Variants in KHDRBS2 observed in about 807,000 individuals in gnomAD.
KHDRBS2 encodes the protein KH RNA binding domain containing, signal transduction associated 2.
Under a neutral mutation model 44.3 loss-of-function variants are expected in KHDRBS2, and 26 were observed. The ratio of observed to expected loss-of-function variants is 0.59; its 90% CI spans 0.43 to 0.81. KHDRBS2 has a LOEUF of 0.81. Among genes scored for constraint, KHDRBS2 ranks in the 40% least tolerant of loss-of-function variants. KHDRBS2 has a pLI of 0.00. For synonymous variants in KHDRBS2, 194 were observed against 151.1 expected (o/e 1.28, Z -2.08); for missense variants, 476 against 433.1 (o/e 1.10, Z -0.88).
intron 2 of KHDRBS2, among the ~76,000 whole-genome samples, chr6:62,086,102 T>C (rs1798327272): frequency 6.6e-6 from 1 of 152,126 alleles, no homozygotes; most frequent in Admixed American, 6.6e-5. Flanking sequence ...AGTTTGGAAA[T>C]TATGTATAAT....
intron 2 of KHDRBS2, among the ~76,000 whole-genome samples, chr6:62,053,151 A>G (rs1789458431): frequency 6.6e-6 from 1 of 152,054 alleles, no homozygotes; most frequent in African/African-American, 2.4e-5. Flanking sequence ...ATCAGCATAA[A>G]ATCATAATGA....
chr6:61,575,937 C>A, the KHDRBS2 span, among the ~76,000 whole-genome samples: 19 of 151,986 alleles, frequency 1.3e-4, no homozygotes, highest in Admixed American at 3.3e-4. Flanking sequence ...ATATAATGAA[C>A]TTTGGCGAAT....
chr6:62,042,943 C>T (rs1324888253), intron 3 of KHDRBS2, among the ~76,000 whole-genome samples: 1 of 152,018 alleles, frequency 6.6e-6, no homozygotes. Flanking sequence ...TAATTTCAGC[C>T]AAGCTTATTA....
chr6:61,832,589 A>G (rs1215978324), intron 6 of KHDRBS2, among the ~76,000 whole-genome samples: 2 of 149,320 alleles, frequency 1.3e-5, no homozygotes, highest in Admixed American at 6.6e-5. Flanking sequence ...GGACATGAGA[A>G]AAAAAAAAAC....
At position 62,143,464 on chromosome 6, in the gene KHDRBS2, C is replaced by T. The variant is rs369006495; in HGVS notation, c.219+33721G>A. On this transcript the variant is annotated intron_variant, in intron 2 of 8. Coordinates refer to ENST00000281156, the MANE Select transcript of KHDRBS2 (RefSeq NM_152688.4). ...ATTCATATAACTTTGCATTGGGCTG[C>T]AATATCTCTGTTATTTACCACCCAT... Among the ~76,000 whole-genome samples the T allele has an allele frequency of 2.0e-3, 304 of 152,030 alleles. 2 individuals are homozygous for T. The highest frequency in any genetic ancestry group is 7.0e-3 in the African/African-American group (291 of 41,534).
At chr6:61,817,134 C>T in intron 6 of KHDRBS2, 1 of 327,880 alleles carries the variant, frequency 3.0e-6, no homozygotes, top group Non-Finnish European at 6.2e-6. Flanking sequence ...TAAATGCTGC[C>T]CACTGAATGA....
At chr6:61,959,595 T>C (rs2127392352) in intron 4 of KHDRBS2, among the ~76,000 whole-genome samples, 1 of 152,310 alleles carries the variant, frequency 6.6e-6, no homozygotes, top group South Asian at 2.1e-4. Flanking sequence ...TATATAGTCT[T>C]GTTTCTTGAT....
chr6:61,622,331 C>T, the KHDRBS2 span, among the ~76,000 whole-genome samples: 1 of 152,130 alleles, frequency 6.6e-6, no homozygotes, highest in Admixed American at 6.5e-5. Flanking sequence ...CCCTTTTTGG[C>T]TATTGGGTCA....
chr6:62,266,665 T>C (rs1201382294), intron 1 of KHDRBS2, among the ~76,000 whole-genome samples: 2 of 151,978 alleles, frequency 1.3e-5, no homozygotes, highest in Admixed American at 6.6e-5. Context: ...TGTAAGACAC[T>C]GTGCACCTCT....
chr6:61,929,801 A>T (rs1247598990), intron 4 of KHDRBS2, among the ~76,000 whole-genome samples: 2 of 152,312 alleles, frequency 1.3e-5, no homozygotes, highest in Non-Finnish European at 2.9e-5. Flanking sequence ...ACAGATATAT[A>T]TTATATTCAA....
At chr6:61,999,372 T>A (rs1320336210) in intron 3 of KHDRBS2, among the ~76,000 whole-genome samples, 1 of 152,140 alleles carries the variant, frequency 6.6e-6, no homozygotes, top group East Asian at 1.9e-4. Flanking sequence ...GTTATGTACG[T>A]ATGGAGAACA....
chr6:62,179,677 T>C (rs1007244392), intron 1 of KHDRBS2, among the ~76,000 whole-genome samples: 4 of 151,792 alleles, frequency 2.6e-5, no homozygotes, highest in Non-Finnish European at 5.9e-5. Context: ...TTCATAAAAA[T>C]AAATTGAATT....
chr6:61,552,368 C>T, the KHDRBS2 span, among the ~76,000 whole-genome samples: 2 of 152,120 alleles, frequency 1.3e-5, no homozygotes, highest in African/African-American at 2.4e-5. Flanking sequence ...ATTTTGTATA[C>T]TAAAACTTTG....
the KHDRBS2 span, among the ~76,000 whole-genome samples, chr6:61,623,479 G>A: frequency 6.6e-6 from 1 of 152,150 alleles, no homozygotes; most frequent in Admixed American, 6.5e-5. Flanking sequence ...GCTGAGCCCT[G>A]ATAGAGACAT....
At chr6:62,101,151 G>A (rs983328708) in intron 2 of KHDRBS2, among the ~76,000 whole-genome samples, 13 of 152,092 alleles carry the variant, frequency 8.5e-5, no homozygotes, top group African/African-American at 2.4e-4. Context: ...AATAAAACAC[G>A]CAAGGTATGA....
chr6:62,120,843 T>C (rs1807455719), intron 2 of KHDRBS2, among the ~76,000 whole-genome samples: 1 of 152,196 alleles, frequency 6.6e-6, no homozygotes, highest in Non-Finnish European at 1.5e-5. Flanking sequence ...AGGACCCCAC[T>C]ACATTACCAA....
chr6:61,973,805 C>T (rs984010526), intron 4 of KHDRBS2, among the ~76,000 whole-genome samples: 3 of 152,134 alleles, frequency 2.0e-5, no homozygotes. Context: ...GTTCTGTCAA[C>T]TCTGCTAATA....
chr6:61,839,601 T>C (rs1269007116), intron 6 of KHDRBS2, among the ~76,000 whole-genome samples: 2 of 152,144 alleles, frequency 1.3e-5, no homozygotes, highest in African/African-American at 4.8e-5. Flanking sequence ...TACTTTATGT[T>C]TTTGGCTTTA....
At chr6:62,239,173 C>T (rs1322742403) in intron 1 of KHDRBS2, among the ~76,000 whole-genome samples, 1 of 152,088 alleles carries the variant, frequency 6.6e-6, no homozygotes, top group Non-Finnish European at 1.5e-5. Context: ...ATGAGAAAGT[C>T]CTTGTTCTCA....
Sources: gnomAD v4.1 joint callset for allele counts (sites outside exome capture counted in the v4.1 genomes callset) on GRCh38, gnomAD v4.1.1 for gene constraint, MANE v1.5 for transcripts, NCBI Gene and HGNC (gene_info 2026-07-23, HGNC 2026-07-21) for gene names.